YPEL5: variants seen among roughly 807,000 people sequenced by gnomAD.
YPEL5 encodes the protein protein yippee-like 5.
A neutral mutation model predicts 10.5 loss-of-function variants in YPEL5; 1 was observed. The observed-to-expected ratio is 0.10, with a 90% CI of 0.03 to 0.45. The LOEUF is 0.45. Ranked by LOEUF, YPEL5 falls within the 20% of genes least tolerant of loss-of-function variation. The pLI is 0.97. For missense variants in YPEL5, 68 were observed against 159.3 expected, an observed-to-expected ratio of 0.43 and a Z score of 3.09; for synonymous variants, 61 against 56.6, an observed-to-expected ratio of 1.08 and a Z score of -0.35.
At position 30,156,878 on chromosome 2, in the gene YPEL5, T is replaced by C. The variant is rs77323348; in HGVS notation, c.141+86T>C. 3.3e-4 allele frequency: 492 copies of C among 1,478,732 alleles called. 7 individuals are homozygous for C. The East Asian group carries it at 0.011, about 33-fold the overall frequency. 91.6% of individuals were successfully genotyped at this position (1,478,732 alleles called of 1,614,324 possible). A position where few individuals can be genotyped will look rare whatever the true frequency, so the allele number is the denominator to read the frequency against. ...AGAATACCCCCTCAGAGCTTAGAGA[T>C]ACCAGGAAGAGTCAGAATGAGAGCT... On this transcript the variant is annotated intron_variant, in intron 2 of 2. Coordinates refer to ENST00000261353, the MANE Select transcript of YPEL5 (RefSeq NM_016061.3).
Position 30,160,260 on chromosome 2 carries a change from T to A in YPEL5, c.*1417T>A, listed in dbSNP as rs1676221927. 1 of 152,366 alleles carries A rather than the reference T, an allele frequency of 6.6e-6. No individual in the cohort carries two copies. Among genetic ancestry groups the A allele is most frequent in the South Asian group, 2.1e-4 (1 of 4,826 alleles). 9.4% of individuals were successfully genotyped at this position (152,366 alleles called of 1,614,324 possible). On this transcript the variant is annotated 3_prime_UTR_variant, in exon 3 of 3. Transcript: ENST00000261353. ...AGTGAAATATTTCTGTCGTTGATAT[T>A]AAAAGTGACTTCTGAGTACAGTTAA...
chr2:30,157,479 G>A (rs76626921), intron 2 of YPEL5, among the ~76,000 whole-genome samples: 209 of 152,160 alleles, frequency 1.4e-3, no homozygotes, highest in African/African-American at 4.7e-3. Flanking sequence ...AGCGAATAAC[G>A]ATCATCTAAC....
chr2:30,148,068 C>T (rs909141566), intron 1 of YPEL5: 1 of 152,252 alleles, frequency 6.6e-6, no homozygotes, highest in Non-Finnish European at 1.5e-5. Flanking sequence ...CCCTTGCAAC[C>T]CCTTTCCTGT....
chr2:30,150,532 C>T (rs1675734526), intron 1 of YPEL5, among the ~76,000 whole-genome samples: 2 of 152,154 alleles, frequency 1.3e-5, no homozygotes, highest in African/African-American at 4.8e-5. Flanking sequence ...GAGGAGAGAG[C>T]AGCTGGTAGA....
At chr2:30,156,591 T>C (rs1352353064) in intron 1 of YPEL5, 37 bp from the exon 2 acceptor site, 2 of 1,594,824 alleles carry the variant, frequency 1.3e-6, no homozygotes, top group East Asian at 4.5e-5. Flanking sequence ...ACATGATTAT[T>C]ATAATGCATT....
At chr2:30,149,760 C>T (rs987509385) in intron 1 of YPEL5, among the ~76,000 whole-genome samples, 1 of 152,252 alleles carries the variant, frequency 6.6e-6, no homozygotes, top group African/African-American at 2.4e-5. Flanking sequence ...ACTCAGTTCC[C>T]TGCAGCAGTC....
At chr2:30,156,886 A>C (rs1468750276) in intron 2 of YPEL5, 94 bp downstream of exon 2, 4 of 1,447,746 alleles carry the variant, frequency 2.8e-6, no homozygotes, top group Non-Finnish European at 3.8e-6. Flanking sequence ...GATACCAGGA[A>C]GAGTCAGAAT....
chr2:30,160,433 T>G lies in YPEL5; in HGVS notation c.*1590T>G, dbSNP rs1463748296. 6.6e-6 allele frequency: 1 copy of G among 152,244 alleles called. No individual in the cohort carries two copies. Among genetic ancestry groups the G allele is most frequent in the Non-Finnish European group, 1.5e-5 (1 of 68,042 alleles). The allele number at this position is 152,244 out of a possible 1,614,324, so 9.4% of individuals were successfully genotyped here. On this transcript the variant is annotated 3_prime_UTR_variant, in exon 3 of 3. Coordinates refer to ENST00000261353, the MANE Select transcript of YPEL5 (RefSeq NM_016061.3). ...GAACAACAGCATTCATTTCCATTCA[T>G]TTCCATACTGGCTTTTGATTATATG...
At chr2:30,157,508 T>A (rs752742628) in intron 2 of YPEL5, among the ~76,000 whole-genome samples, 4 of 152,206 alleles carry the variant, frequency 2.6e-5, no homozygotes, top group Admixed American at 6.5e-5. Context: ...CATGCTCTAA[T>A]TCATGCTCAC....
intron 2 of YPEL5, among the ~76,000 whole-genome samples, chr2:30,158,112 A>G (rs1676121116): frequency 6.6e-6 from 1 of 152,250 alleles, no homozygotes; most frequent in Non-Finnish European, 1.5e-5. Flanking sequence ...AATTCACTTT[A>G]AAACTATGTA....
Position 30,160,283 on chromosome 2 carries a change from T to C in YPEL5, c.*1440T>C, listed in dbSNP as rs1364709334. The C allele has an allele frequency of 6.6e-6, 1 of 152,244 alleles. No individual in the cohort carries two copies. The highest frequency in any genetic ancestry group is 1.5e-5 in the Non-Finnish European group (1 of 68,036). 9.4% of individuals were successfully genotyped at this position (152,244 alleles called of 1,614,324 possible). On this transcript the variant is annotated 3_prime_UTR_variant, in exon 3 of 3. Coordinates refer to ENST00000261353, the MANE Select transcript of YPEL5 (RefSeq NM_016061.3). ...ATTAAAAGTGACTTCTGAGTACAGT[T>C]AAGTTCCTCCTATTTGCCACTGGGC...
rs1371552635 is a variant in YPEL5, at chr2:30,158,599, T to C, written c.142-20T>C. On this transcript the variant is annotated intron_variant, in intron 2 of 2. Transcript: ENST00000261353. Reference sequence around the variant, plus strand: ...TAACTAACATGCCTTGCAATTTTGATTTTCCTTGTCCCTTGTTAGGTAGTT... The same window carrying C: ...TAACTAACATGCCTTGCAATTTTGACTTTCCTTGTCCCTTGTTAGGTAGTT... 6.2e-7 allele frequency: 1 copy of C among 1,609,690 alleles called. No individual in the cohort carries two copies. The highest frequency in any genetic ancestry group is 2.2e-5 in the East Asian group (1 of 44,810).
intron 1 of YPEL5, among the ~76,000 whole-genome samples, chr2:30,150,299 G>A (rs937254506): frequency 1.3e-4 from 20 of 152,306 alleles, no homozygotes; most frequent in African/African-American, 4.3e-4. Context: ...CCTTTATTGA[G>A]CATTCACTGT....
intron 1 of YPEL5, among the ~76,000 whole-genome samples, chr2:30,151,087 ACAGT>A (rs1244350570): frequency 9.9e-5 from 15 of 152,194 alleles, no homozygotes; most frequent in Non-Finnish European, 2.9e-5. Flanking sequence ...TTTAAGGAAA[ACAGT>A]CAGCAATGAG....
intron 1 of YPEL5, chr2:30,148,504 G>C (rs1675620174): frequency 6.6e-6 from 1 of 152,230 alleles, no homozygotes; most frequent in South Asian, 2.1e-4. Context: ...TGGTGAATTC[G>C]TTTCCTGAAA....
At chr2:30,155,652 A>T (rs1676009153) in intron 1 of YPEL5, among the ~76,000 whole-genome samples, 1 of 152,256 alleles carries the variant, frequency 6.6e-6, no homozygotes, top group South Asian at 2.1e-4. Context: ...TGATGGATTT[A>T]AGAACTTGCA....
intron 1 of YPEL5, chr2:30,148,124 G>C (rs563979126): frequency 2.0e-5 from 3 of 152,452 alleles, no homozygotes. Context: ...CGGATCAGCG[G>C]GAGTGGGAAA....
In YPEL5 at chr2:30,158,648, A is replaced by G; in HGVS notation, c.171A>G (p.Gln57=). 6.2e-7 allele frequency: 1 copy of G among 1,613,912 alleles called. No homozygotes were observed. The highest frequency in any genetic ancestry group is 8.5e-7 in the Non-Finnish European group (1 of 1,180,042). ...KVVNLQYSEV[Q]DRVMLTGRHM... is the part of the protein sequence containing the mutation. Reference sequence around the variant, plus strand: ...TTAACCTGCAGTACAGTGAAGTTCAAGATCGGGTCATGCTCACTGGCCGCC... The same window carrying G: ...TTAACCTGCAGTACAGTGAAGTTCAGGATCGGGTCATGCTCACTGGCCGCC... Residue 57 remains glutamine, a synonymous_variant, in exon 3 of 3, where the codon CAA becomes CAG. Transcript: ENST00000261353.
At chr2:30,152,890 G>GTTTTTTTTTTTTT (rs373848986) in intron 1 of YPEL5, among the ~76,000 whole-genome samples, 2 of 122,728 alleles carry the variant, frequency 1.6e-5, no homozygotes, top group Non-Finnish European at 1.7e-5. Flanking sequence ...ACTGTCCTTT[G>GTTTTTTTTTTTTT]TTTTTTTTTT....
Sources: gnomAD v4.1 joint callset for allele counts (sites outside exome capture counted in the v4.1 genomes callset) on GRCh38, gnomAD v4.1.1 for gene constraint, MANE v1.5 for transcripts, NCBI Gene and HGNC (gene_info 2026-07-23, HGNC 2026-07-21) for gene names.